Variants in BACH1 observed in about 807,000 individuals in gnomAD.
BACH1 encodes BTB domain and CNC homolog 1, also known as transcription regulator protein BACH1.
In BACH1, 35 loss-of-function variants were observed where a neutral mutation model predicts 52.9. The ratio of observed to expected loss-of-function variants is 0.66; its 90% CI spans 0.51 to 0.88. BACH1 has a LOEUF of 0.88. BACH1 is among the 40% of genes least tolerant of loss of function. The pLI, the probability that BACH1 is intolerant of heterozygous loss-of-function variation, is 0.00. For synonymous variants in BACH1, 321 were observed against 319.6 expected, an observed-to-expected ratio of 1.00 and a Z score of -0.05; for missense variants, 808 against 872.6, an observed-to-expected ratio of 0.93 and a Z score of 0.93.
chr21:29,319,535 G>C (rs1437539585), intron 1 of BACH1, among the ~76,000 whole-genome samples: 1 of 151,790 alleles, frequency 6.6e-6, no homozygotes, highest in African/African-American at 2.4e-5. Flanking sequence ...GGACATACCA[G>C]AAAACTGGTG....
intron 4 of BACH1, among the ~76,000 whole-genome samples, chr21:29,337,676 A>T (rs540793575): frequency 1.3e-5 from 2 of 152,276 alleles, no homozygotes; most frequent in South Asian, 4.1e-4. Flanking sequence ...AGGGTGGGGA[A>T]CATCACACAC....
At chr21:29,359,488 C>T (rs1462872094) in intron 2 of BACH1, 1 of 150,796 alleles carries the variant, frequency 6.6e-6, no homozygotes, top group African/African-American at 2.4e-5. Flanking sequence ...TTAAAATTTG[C>T]TTTTGCGAGT....
At chr21:29,325,995 T>C (rs1312730529) in intron 2 of BACH1, 64 bp from the exon 3 acceptor site, 1 of 1,446,550 alleles carries the variant, frequency 6.9e-7, no homozygotes, top group Non-Finnish European at 9.2e-7. Flanking sequence ...CTTCTACTTA[T>C]TTTGTTTTTA....
chr21:29,320,610 A>G (rs1463449960), intron 1 of BACH1, among the ~76,000 whole-genome samples: 1 of 152,226 alleles, frequency 6.6e-6, no homozygotes, highest in Admixed American at 6.5e-5. Flanking sequence ...CTGTATAAAA[A>G]GACTTACTAC....
chr21:29,309,464 A>G (rs923364439), intron 1 of BACH1, among the ~76,000 whole-genome samples: 2 of 152,148 alleles, frequency 1.3e-5, no homozygotes, highest in African/African-American at 4.8e-5. Context: ...GTCATGTAAC[A>G]TGAATTGAAA....
intron 2 of BACH1, among the ~76,000 whole-genome samples, chr21:29,322,037 G>A (rs1394709729): frequency 2.0e-5 from 3 of 152,146 alleles, no homozygotes; most frequent in Non-Finnish European, 4.4e-5. Flanking sequence ...CTTACGTGGT[G>A]GTGGGCAAGA....
chr21:29,304,824 C>T (rs1415642547), intron 1 of BACH1, among the ~76,000 whole-genome samples: 1 of 152,170 alleles, frequency 6.6e-6, no homozygotes, highest in Non-Finnish European at 1.5e-5. Flanking sequence ...ATGCTTATTG[C>T]CTTATTCATT....
intron 2 of BACH1, among the ~76,000 whole-genome samples, chr21:29,353,437 C>A (rs1380817406): frequency 1.3e-5 from 2 of 152,172 alleles, no homozygotes; most frequent in African/African-American, 4.8e-5. Flanking sequence ...CCACATGCCA[C>A]GTGTCACAAC....
Position 29,342,382 on chromosome 21 carries a change from C to A in BACH1, c.1777-17C>A. On this transcript the variant is annotated splice_polypyrimidine_tract_variant and intron_variant, in intron 4 of 4. Transcript: ENST00000286800. ...TAATAAACACAAGCCATTGTGTTCT[C>A]TTTCCCCACTTCACAGCAAAGTGAA... is the stretch of plus-strand genomic sequence containing the variant. 6.2e-7 allele frequency: 1 copy of A among 1,604,528 alleles called. No individual in the cohort carries two copies. The highest frequency in any genetic ancestry group is 1.1e-5 in the South Asian group (1 of 90,228).
Position 29,326,393 on chromosome 21 carries a change from A to C in BACH1, c.569A>C (p.Gln190Pro). The C allele has an allele frequency of 6.2e-7, 1 of 1,614,206 alleles. No homozygotes were observed. ...CCTCAGTGTAAACTCCGCAGGTATC[A>C]AGGAAATGCAAAAGCCTCACCTCCT... The part of the protein sequence containing the change: ...QTPQCKLRRY[Q>P]GNAKASPPLQ... The change falls in exon 3 of 5, where the codon CAA becomes CCA. Residue 190 changes from glutamine (Q) to proline (P), a missense_variant. Physicochemically the swap from Gln to Pro is moderately conservative, Grantham distance 76 (BLOSUM62 -1). Coordinates refer to ENST00000286800, the MANE Select transcript of BACH1 (RefSeq NM_001186.4).
chr21:29,299,548 C>T (rs1307151104), intron 1 of BACH1: 1 of 152,244 alleles, frequency 6.6e-6, no homozygotes, highest in African/African-American at 2.4e-5. Flanking sequence ...GCCCAGGACT[C>T]CCTTTGTTGG....
At chr21:29,315,983 T>TA (rs200389596) in intron 1 of BACH1, among the ~76,000 whole-genome samples, 87 of 148,772 alleles carry the variant, frequency 5.8e-4, no homozygotes, top group South Asian at 1.5e-3. Context: ...AGCCTTTTTT[T>TA]AAAAAAAAAA....
At chr21:29,333,777 G>T (rs1029983134) in intron 4 of BACH1, among the ~76,000 whole-genome samples, 1 of 152,172 alleles carries the variant, frequency 6.6e-6, no homozygotes, top group African/African-American at 2.4e-5. Flanking sequence ...TTGCAAAGTG[G>T]GTTAGTATTA....
At chr21:29,333,535 TTTAACATA>T (rs1231233265) in intron 4 of BACH1, among the ~76,000 whole-genome samples, 1 of 152,240 alleles carries the variant, frequency 6.6e-6, no homozygotes, top group Non-Finnish European at 1.5e-5. Context: ...ACTGGTTGGC[TTTAACATA>T]TTAATAGATT....
chr21:29,333,992 T>C (rs1223608574), intron 4 of BACH1, among the ~76,000 whole-genome samples: 1 of 152,230 alleles, frequency 6.6e-6, no homozygotes, highest in Non-Finnish European at 1.5e-5. Context: ...TTGAATTTTA[T>C]AGTATGTTAG....
At chr21:29,324,769 A>C (rs1329634655) in intron 2 of BACH1, among the ~76,000 whole-genome samples, 1 of 152,174 alleles carries the variant, frequency 6.6e-6, no homozygotes, top group African/African-American at 2.4e-5. Context: ...TTGCATGTTT[A>C]GTTTTATAAG....
intron 2 of BACH1, among the ~76,000 whole-genome samples, chr21:29,360,845 C>CAA (rs561114811): frequency 0.054 from 4,502 of 83,584 alleles, 97 homozygotes; most frequent in Non-Finnish European, 0.085. Flanking sequence ...GACCCTGTCT[C>CAA]AAAAAAAAAA....
At chr21:29,331,015 A>G (rs2088974980) in intron 4 of BACH1, among the ~76,000 whole-genome samples, 1 of 151,976 alleles carries the variant, frequency 6.6e-6, no homozygotes, top group South Asian at 2.1e-4. Flanking sequence ...TAAAATTGTT[A>G]AAACCAAGGA....
chr21:29,326,836 G>T lies in BACH1; in HGVS notation c.1012G>T (p.Ala338Ser). The T allele has an allele frequency of 6.2e-7, 1 of 1,614,144 alleles. No homozygotes were observed. Among genetic ancestry groups the T allele is most frequent in the Non-Finnish European group, 8.5e-7 (1 of 1,180,026 alleles). The change falls in exon 3 of 5, where the codon GCT becomes TCT. Residue 338 changes from alanine to serine, a missense_variant. Transcript: ENST00000286800. ...TGACCAATATGGTGACTTGAATTTTGCTGGTATGCAAAACACAACAGTGTT... is the reference window on the plus strand; with the variant it reads ...TGACCAATATGGTGACTTGAATTTTTCTGGTATGCAAAACACAACAGTGTT... ...TYDQYGDLNF[A>S]GMQNTTVLTE...
Sources: allele counts gnomAD v4.1 joint callset (sites outside exome capture counted in the v4.1 genomes callset), GRCh38; gene constraint gnomAD v4.1.1; transcripts MANE v1.5; gene names NCBI Gene and HGNC (gene_info 2026-07-23, HGNC 2026-07-21).